The following KIF13B variants were observed in gnomAD, a reference collection of about 807,000 sequenced individuals.
The protein encoded by KIF13B is kinesin-like protein KIF13B.
Under a neutral mutation model 222.0 loss-of-function variants are expected in KIF13B, and 127 were observed. That is an observed-to-expected ratio of 0.57 (90% CI 0.50 to 0.66). The LOEUF (loss-of-function observed/expected upper bound fraction) is 0.66. Among genes scored for constraint, KIF13B ranks in the 30% least tolerant of loss-of-function variants. KIF13B has a pLI of 0.00. For missense variants in KIF13B, 2,173 were observed against 2,379.0 expected, an observed-to-expected ratio of 0.91 and a Z score of 1.80; for synonymous variants, 976 against 919.0, an observed-to-expected ratio of 1.06 and a Z score of -1.12.
intron 1 of KIF13B, among the ~76,000 whole-genome samples, chr8:29,253,639 G>A (rs1019965051): frequency 2.0e-5 from 3 of 151,820 alleles, no homozygotes; most frequent in Admixed American, 2.0e-4. Context: ...TAAGGCACCT[G>A]GCCAACATGG....
rs1165398556 is a variant in KIF13B at position 29,071,451 on chromosome 8, G to GC, written c.5218+168dup. 6.6e-6 allele frequency among the ~76,000 whole-genome samples: 1 copy of GC among 152,084 alleles called. No homozygotes were observed. The highest frequency in any genetic ancestry group is 2.4e-5 in the African/African-American group (1 of 41,406). On this transcript the variant is annotated intron_variant, in intron 39 of 39. Coordinates refer to ENST00000524189, the MANE Select transcript of KIF13B (RefSeq NM_015254.4). This position sits in a 1 kb window ranked among gnomAD's most constrained non-coding sequence, Gnocchi z 4.9. ...CATGTCGTCTCCAGGGACTAGCCCT[G>GC]CCCCCAGCCTCACCCCTGCAGGCCC...
intron 2 of KIF13B, among the ~76,000 whole-genome samples, chr8:29,229,196 T>G (rs565227309): frequency 1.3e-5 from 2 of 152,120 alleles, no homozygotes; most frequent in South Asian, 4.2e-4. Flanking sequence ...CTGAATGTCT[T>G]TAGTTCTGAT....
chr8:29,162,196 G>A (rs1811813035), intron 12 of KIF13B, among the ~76,000 whole-genome samples: 1 of 152,274 alleles, frequency 6.6e-6, no homozygotes, highest in East Asian at 1.9e-4. Context: ...CAAGACCTCT[G>A]ATTCTGGGGA....
Position 29,142,277 on chromosome 8 carries a change from T to C in KIF13B, c.2214A>G (p.Ala738=), listed in dbSNP as rs1810850226. The C allele has an allele frequency of 6.2e-7, 1 of 1,613,554 alleles. No homozygotes were observed. Among genetic ancestry groups the C allele is most frequent in the East Asian group, 2.2e-5 (1 of 44,882 alleles). The change falls in exon 19 of 40, where the codon GCA becomes GCG. Residue 738 remains alanine, a synonymous_variant. Coordinates refer to ENST00000524189, the MANE Select transcript of KIF13B (RefSeq NM_015254.4). ...RKRGSLLSEP[A]IQVRRKGKGK... ...CTTTTCCTTTTCTTCTCACCTGGAT[T>C]GCAGGCTCACTAAGAAGAGAGCCTC...
chr8:29,115,104 T>C (rs1183911131), intron 31 of KIF13B, among the ~76,000 whole-genome samples: 1 of 152,188 alleles, frequency 6.6e-6, no homozygotes, highest in Non-Finnish European at 1.5e-5. Context: ...AAGATTGATA[T>C]CAGTGTGACA....
At chr8:29,089,793 A>G (rs1395367735) in intron 37 of KIF13B, among the ~76,000 whole-genome samples, 6 of 150,696 alleles carry the variant, frequency 4.0e-5, no homozygotes, top group Admixed American at 3.3e-4. Flanking sequence ...ACTCAGGAGG[A>G]GGAGGCAGAA....
chr8:29,248,974 A>G (rs1816161120), intron 1 of KIF13B, among the ~76,000 whole-genome samples: 2 of 152,212 alleles, frequency 1.3e-5, no homozygotes, highest in Non-Finnish European at 2.9e-5. Flanking sequence ...CAAACTAAAA[A>G]CACTGAATTG....
At chr8:29,149,338 C>A (rs541126094) in intron 15 of KIF13B, among the ~76,000 whole-genome samples, 1 of 152,154 alleles carries the variant, frequency 6.6e-6, no homozygotes, top group South Asian at 2.1e-4. Flanking sequence ...TTCTCAGTAA[C>A]CAAAATATCA....
chr8:29,257,500 A>G (rs546515097), intron 1 of KIF13B, among the ~76,000 whole-genome samples: 1 of 152,322 alleles, frequency 6.6e-6, no homozygotes, highest in East Asian at 1.9e-4. Context: ...TAAGAAGTGG[A>G]AAAGTCGGAC....
chr8:29,165,815 C>T, intron 11 of KIF13B, 43 bp from the exon 12 acceptor site: 1 of 1,424,528 alleles, frequency 7.0e-7, no homozygotes, highest in Middle Eastern at 1.8e-4. Context: ...TAGAAGATGC[C>T]CTGGAAAAAG....
Position 29,262,987 on chromosome 8 carries a change from G to A in KIF13B, c.48C>T (p.Asn16=), listed in dbSNP as rs1311091142. 1.3e-6 allele frequency: 2 copies of A among 1,595,100 alleles called. No homozygotes were observed. The highest frequency in any genetic ancestry group is 2.3e-5 in the South Asian group (2 of 87,926). ...VKVAVRIRPM[N]RRETDLHTKC... Reference sequence around the variant, plus strand: ...GGAGGGCTCGGCTCTCACCTCGCCGGTTCATGGGTCGTATCCGCACCGCCA... The same window carrying A: ...GGAGGGCTCGGCTCTCACCTCGCCGATTCATGGGTCGTATCCGCACCGCCA... Residue 16 remains asparagine (N), a synonymous_variant, in exon 1 of 40, where the codon AAC becomes AAT. Transcript: ENST00000524189.
intron 36 of KIF13B, among the ~76,000 whole-genome samples, chr8:29,097,304 T>A (rs1808578638): frequency 6.9e-6 from 1 of 144,668 alleles, no homozygotes. Flanking sequence ...TATAACAATC[T>A]TAAATAATTA....
intron 32 of KIF13B, among the ~76,000 whole-genome samples, chr8:29,110,398 A>G (rs1809300964): frequency 6.6e-6 from 1 of 152,186 alleles, no homozygotes; most frequent in African/African-American, 2.4e-5. Context: ...CGTAAAAACA[A>G]TTCAGGAACA....
intron 35 of KIF13B, among the ~76,000 whole-genome samples, chr8:29,101,823 A>G (rs1448406167): frequency 1.3e-5 from 2 of 152,126 alleles, no homozygotes; most frequent in Non-Finnish European, 1.5e-5. Context: ...GGAGCAACCA[A>G]TGCAGATGCT....
At chr8:29,237,496 G>A (rs1015014737) in intron 2 of KIF13B, among the ~76,000 whole-genome samples, 1 of 152,070 alleles carries the variant, frequency 6.6e-6, no homozygotes, top group African/African-American at 2.4e-5. Context: ...CATATCAAAT[G>A]TTAGTATCCA....
rs71222598 is a variant in KIF13B at position 29,197,336 on chromosome 8, C to CAA, written c.150-1139_150-1138dup. Among the ~76,000 whole-genome samples, 521 of 57,676 alleles carry CAA rather than the reference C, an allele frequency of 9.0e-3. 27 individuals carry two copies. Among genetic ancestry groups the CAA allele is most frequent in the South Asian group, 0.017 (18 of 1,050 alleles). 37.8% of individuals were successfully genotyped at this position (57,676 alleles called of 152,430 possible). The stretch of plus-strand genomic sequence containing the variant: ...TGGGCGACAGAGCGAGACTCCGTCT[C>CAA]AAAAAAAAAAAAAAAAAAAAAAAAA... On this transcript the variant is annotated intron_variant, in intron 2 of 39. Transcript: ENST00000524189.
intron 24 of KIF13B, among the ~76,000 whole-genome samples, chr8:29,128,607 C>T (rs1034407167): frequency 4.6e-5 from 7 of 152,174 alleles, no homozygotes; most frequent in Admixed American, 1.3e-4. Flanking sequence ...TAAGCACTTT[C>T]CGAAGTGATC....
intron 2 of KIF13B, among the ~76,000 whole-genome samples, chr8:29,207,479 GGCACTCAAT>G (rs1410362925): frequency 6.6e-6 from 1 of 152,008 alleles, no homozygotes; most frequent in Non-Finnish European, 1.5e-5. Flanking sequence ...TCATCTGGTG[GGCACTCAAT>G]GCTTATTGGA....
intron 1 of KIF13B, among the ~76,000 whole-genome samples, chr8:29,252,118 T>A (rs1220389427): frequency 6.6e-6 from 1 of 152,162 alleles, no homozygotes; most frequent in African/African-American, 2.4e-5. Context: ...CCACCAACAT[T>A]AAAGATTCCG....
Sources: gnomAD v4.1 joint callset for allele counts (sites outside exome capture counted in the v4.1 genomes callset) on GRCh38, gnomAD v4.1.1 for gene constraint, Gnocchi (gnomAD v3.1) non-coding constraint, MANE v1.5 for transcripts, NCBI Gene and HGNC (gene_info 2026-07-23, HGNC 2026-07-21) for gene names.